The following COL6A6 variants were observed in gnomAD, a reference collection of about 807,000 sequenced individuals.
COL6A6 encodes the protein collagen type VI alpha 6 chain, also known as collagen alpha-6(VI) chain.
A neutral mutation model predicts 208.6 loss-of-function variants in COL6A6; 183 were observed. The ratio of observed to expected loss-of-function variants is 0.88; its 90% CI spans 0.78 to 0.99. COL6A6 has a LOEUF of 0.99. Among genes scored for constraint, COL6A6 ranks in the 50% least tolerant of loss-of-function variants. The pLI, the probability that COL6A6 is intolerant of heterozygous loss-of-function variation, is 0.00. For synonymous variants in COL6A6, 973 were observed against 1,011.8 expected, an observed-to-expected ratio of 0.96 and a Z score of 0.73; for missense variants, 2,816 against 2,815.2, an observed-to-expected ratio of 1.00 and a Z score of -0.01.
At chr3:130,662,600 G>C (rs1241111347) in intron 35 of COL6A6, among the ~76,000 whole-genome samples, 4 of 152,132 alleles carry the variant, frequency 2.6e-5, no homozygotes, top group African/African-American at 9.7e-5. Flanking sequence ...CAGTCCGGGG[G>C]TGTGAAGTCA....
chr3:130,565,533 C>G lies in COL6A6; in HGVS notation c.1201C>G (p.Gln401Glu). 6.2e-7 allele frequency: 1 copy of G among 1,613,944 alleles called. No individual in the cohort carries two copies. Among genetic ancestry groups the G allele is most frequent in the Non-Finnish European group, 8.5e-7 (1 of 1,179,826 alleles). ...CTTCGCTGACCTGGCTGCTCACAAC[C>G]AGACATTTCTGAAGAAGCTGCGGAA... is the stretch of plus-strand genomic sequence containing the variant. ...KTFADLAAHN[Q>E]TFLKKLRNQI... Residue 401 changes from glutamine (Q) to glutamate (E), a missense_variant, in exon 4 of 37, where the codon CAG becomes GAG. Coordinates refer to ENST00000358511, the MANE Select transcript of COL6A6 (RefSeq NM_001102608.3).
intron 33 of COL6A6, among the ~76,000 whole-genome samples, chr3:130,658,226 G>A (rs2108445186): frequency 6.6e-6 from 1 of 152,302 alleles, no homozygotes; most frequent in South Asian, 2.1e-4. Flanking sequence ...TTCTTAAATG[G>A]CTTCAGTGTC....
At chr3:130,590,409 C>A (rs556932933) in intron 12 of COL6A6, among the ~76,000 whole-genome samples, 1 of 140,452 alleles carries the variant, frequency 7.1e-6, no homozygotes, top group East Asian at 2.1e-4. Context: ...TGTGCTGCAC[C>A]CATTAACTCG....
Position 130,634,626 on chromosome 3 carries a change from G to T in COL6A6, c.5028+1G>T, listed in dbSNP as rs1321181296. ...ATTCCCTGGAGAAAGTGGACCTAAG[G>T]TACCGTGTGCTTCCTAGTAACTAGA... On this transcript the variant is annotated splice_donor_variant, in intron 27 of 36. Coordinates refer to ENST00000358511, the MANE Select transcript of COL6A6 (RefSeq NM_001102608.3). LOFTEE classifies it high-confidence loss of function. 28 of 1,606,450 alleles carry T rather than the reference G, an allele frequency of 1.7e-5. No homozygotes were observed. The highest frequency in any genetic ancestry group is 2.4e-5 in the Non-Finnish European group (28 of 1,175,972).
At chr3:130,523,923 A>T (rs1437580267) in intron 1 of COL6A6, among the ~76,000 whole-genome samples, 2 of 152,198 alleles carry the variant, frequency 1.3e-5, no homozygotes, top group Non-Finnish European at 2.9e-5. Flanking sequence ...GGTTAATGCC[A>T]TGAATCCAAT....
intron 1 of COL6A6, among the ~76,000 whole-genome samples, chr3:130,524,896 A>G (rs1338092692): frequency 6.6e-6 from 1 of 152,214 alleles, no homozygotes; most frequent in East Asian, 1.9e-4. Context: ...GCCACTAAGC[A>G]ATTTTGGGCT....
chr3:130,516,791 T>C (rs913272046), upstream of COL6A6, among the ~76,000 whole-genome samples: 2 of 152,110 alleles, frequency 1.3e-5, no homozygotes, highest in African/African-American at 4.8e-5. Context: ...AGATCCTGCC[T>C]TCTGCCAGAA....
At chr3:130,563,747 T>C (rs1341945395) in intron 3 of COL6A6, 83 bp downstream of exon 3, 8 of 926,394 alleles carry the variant, frequency 8.6e-6, no homozygotes, top group African/African-American at 3.3e-5. Context: ...ATTCTATGAA[T>C]ATTCCTATCC....
chr3:130,663,562 A>G (rs187011989), intron 35 of COL6A6, among the ~76,000 whole-genome samples: 1 of 152,294 alleles, frequency 6.6e-6, no homozygotes, highest in East Asian at 1.9e-4. Context: ...AAGGGTAAAA[A>G]AAGTACATCT....
At chr3:130,534,353 G>A (rs753839658) in intron 1 of COL6A6, among the ~76,000 whole-genome samples, 6 of 152,032 alleles carry the variant, frequency 3.9e-5, no homozygotes, top group Non-Finnish European at 7.4e-5. Flanking sequence ...TCATCTTTCT[G>A]CTGGAGTCAG....
chr3:130,571,842 A>ATTTT lies in COL6A6; in HGVS notation c.2977+467_2977+470dup, dbSNP rs67080729. On this transcript the variant is annotated intron_variant, in intron 7 of 36. Transcript: ENST00000358511. ...AGATGTGTGGCATGAGGCATGGCTAATTTTTTTTTTTTTTTTTTTTTGTGA... is the reference window on the plus strand; with the variant it reads ...AGATGTGTGGCATGAGGCATGGCTAATTTTTTTTTTTTTTTTTTTTTTTTTGTGA... Among the ~76,000 whole-genome samples, 387 of 110,780 alleles carry ATTTT rather than the reference A, an allele frequency of 3.5e-3. 8 individuals carry two copies. The highest frequency in any genetic ancestry group is 0.013 in the African/African-American group (349 of 26,072). 72.7% of individuals were successfully genotyped at this position (110,780 alleles called of 152,430 possible).
intron 2 of COL6A6, among the ~76,000 whole-genome samples, chr3:130,562,145 G>C (rs1283403676): frequency 6.6e-6 from 1 of 152,154 alleles, no homozygotes; most frequent in African/African-American, 2.4e-5. Context: ...TGCTAAGGTA[G>C]AGAGAGCTCT....
At position 130,626,460 on chromosome 3, in the gene COL6A6, T is replaced by C. The variant is rs1176507860; in HGVS notation, c.4879-25T>C. The C allele has an allele frequency of 2.5e-6, 4 of 1,586,598 alleles. No homozygotes were observed. The Admixed American group carries it at 5.0e-5, about 20-fold the overall frequency. ...GTGCCATCATTTCCAATTTCCAACC[T>C]AAAAACAATCTTTCTGTTTAACAGG... On this transcript the variant is annotated intron_variant, in intron 24 of 36. Coordinates refer to ENST00000358511, the MANE Select transcript of COL6A6 (RefSeq NM_001102608.3).
intron 18 of COL6A6, among the ~76,000 whole-genome samples, chr3:130,594,586 T>A (rs2063800290): frequency 6.6e-6 from 1 of 152,226 alleles, no homozygotes; most frequent in African/African-American, 2.4e-5. Flanking sequence ...CTCAGAATTG[T>A]TTTTGTGCTT....
chr3:130,562,944 C>T (rs765487770), intron 2 of COL6A6, 124 bp from the exon 3 acceptor site: 31 of 642,606 alleles, frequency 4.8e-5, no homozygotes, highest in African/African-American at 1.4e-4. Context: ...CTATTATTTT[C>T]GGTTTATTGG....
At chr3:130,618,926 A>T (rs970142033) in intron 23 of COL6A6, among the ~76,000 whole-genome samples, 8 of 152,244 alleles carry the variant, frequency 5.3e-5, no homozygotes, top group African/African-American at 1.7e-4. Context: ...AAGAATGGAG[A>T]GTAGGCTTCT....
At chr3:130,625,241 A>AC (rs2064850472) in intron 24 of COL6A6, among the ~76,000 whole-genome samples, 1 of 152,040 alleles carries the variant, frequency 6.6e-6, no homozygotes, top group Admixed American at 6.6e-5. Context: ...ATTCTTCGTT[A>AC]CCCCAGAGTT....
chr3:130,559,870 A>G (rs1006706403), intron 1 of COL6A6, among the ~76,000 whole-genome samples: 1 of 152,152 alleles, frequency 6.6e-6, no homozygotes, highest in Non-Finnish European at 1.5e-5. Context: ...AAAGGAAAAA[A>G]CGTGTAATTT....
chr3:130,554,573 A>G (rs1306036787), intron 1 of COL6A6, among the ~76,000 whole-genome samples: 2 of 152,114 alleles, frequency 1.3e-5, no homozygotes, highest in African/African-American at 2.4e-5. Context: ...GGCAGTGGCA[A>G]CGGTGGGGCA....
Sources: gnomAD v4.1 joint callset for allele counts (sites outside exome capture counted in the v4.1 genomes callset) on GRCh38, gnomAD v4.1.1 for gene constraint, MANE v1.5 for transcripts, NCBI Gene and HGNC (gene_info 2026-07-23, HGNC 2026-07-21) for gene names.